Variants in MARCHF1 observed in about 807,000 individuals in gnomAD.
MARCHF1 encodes the protein E3 ubiquitin-protein ligase MARCHF1.
In MARCHF1, 40 loss-of-function variants were observed where a neutral mutation model predicts 54.2. The observed-to-expected ratio is 0.74, with a 90% CI of 0.57 to 0.96. MARCHF1 has a LOEUF of 0.96. Ranked by LOEUF, MARCHF1 falls within the 40% of genes least tolerant of loss-of-function variation. MARCHF1 has a pLI of 0.00. For missense variants in MARCHF1, 586 were observed against 656.5 expected, an observed-to-expected ratio of 0.89 and a Z score of 1.17; for synonymous variants, 236 against 236.3, an observed-to-expected ratio of 1.00 and a Z score of 0.01.
intron 1 of MARCHF1, among the ~76,000 whole-genome samples, chr4:164,215,187 T>C (rs1480794531): frequency 2.0e-5 from 3 of 152,266 alleles, no homozygotes; most frequent in Non-Finnish European, 2.9e-5. Flanking sequence ...GTGCAAGGTT[T>C]TACTGTGTGG....
chr4:164,049,250 G>C (rs1432791880), intron 2 of MARCHF1, among the ~76,000 whole-genome samples: 1 of 152,112 alleles, frequency 6.6e-6, no homozygotes, highest in Non-Finnish European at 1.5e-5. Context: ...AAAACCATCA[G>C]CTTGCAGGAT....
At chr4:164,206,749 T>C (rs566994291) in intron 1 of MARCHF1, among the ~76,000 whole-genome samples, 1 of 152,210 alleles carries the variant, frequency 6.6e-6, no homozygotes, top group South Asian at 2.1e-4. Flanking sequence ...TAACTTTGAA[T>C]TGGGGTCTCA....
chr4:164,340,636 T>C (rs2110841936), intron 1 of MARCHF1, among the ~76,000 whole-genome samples: 1 of 151,702 alleles, frequency 6.6e-6, no homozygotes, highest in Middle Eastern at 3.4e-3. Context: ...TTGGCCAGGC[T>C]GGTCTCAAAC....
At chr4:164,172,764 T>G (rs1485082091) in intron 1 of MARCHF1, among the ~76,000 whole-genome samples, 1 of 151,914 alleles carries the variant, frequency 6.6e-6, no homozygotes, top group East Asian at 1.9e-4. Context: ...AACCAAGAGG[T>G]CAGGAGACCG....
intron 8 of MARCHF1, among the ~76,000 whole-genome samples, chr4:163,570,948 G>T (rs1280549532): frequency 6.6e-6 from 1 of 152,016 alleles, no homozygotes. Context: ...TCTGGTTCCT[G>T]ATATAAAGTA....
chr4:163,829,133 G>A (rs1748943013), intron 4 of MARCHF1: 1 of 152,174 alleles, frequency 6.6e-6, no homozygotes, highest in Non-Finnish European at 1.5e-5. Flanking sequence ...AGGGGAAAGA[G>A]AACTCAAAAA....
intron 1 of MARCHF1, among the ~76,000 whole-genome samples, chr4:164,243,129 G>A (rs1249221428): frequency 1.6e-4 from 20 of 123,690 alleles, no homozygotes; most frequent in Non-Finnish European, 2.6e-4. Flanking sequence ...TACAGAGAAC[G>A]CCACAAAGAT....
chr4:164,261,377 C>A (rs1290558017), intron 1 of MARCHF1, among the ~76,000 whole-genome samples: 2 of 152,116 alleles, frequency 1.3e-5, no homozygotes, highest in Admixed American at 1.3e-4. Flanking sequence ...TGTCAGTTGT[C>A]CAAAATCATA....
chr4:164,229,007 T>C (rs1200482751), intron 1 of MARCHF1, among the ~76,000 whole-genome samples: 1 of 152,200 alleles, frequency 6.6e-6, no homozygotes, highest in Non-Finnish European at 1.5e-5. Flanking sequence ...GGGGCGTCTG[T>C]ATTAGCGAAA....
chr4:164,094,340 C>T (rs908611921), intron 2 of MARCHF1, among the ~76,000 whole-genome samples: 1 of 152,138 alleles, frequency 6.6e-6, no homozygotes, highest in Admixed American at 6.6e-5. Flanking sequence ...TACAGGTCAA[C>T]TAAACTAAGA....
At chr4:163,616,022 A>C (rs372785203) in intron 5 of MARCHF1, among the ~76,000 whole-genome samples, 4 of 152,172 alleles carry the variant, frequency 2.6e-5, no homozygotes, top group African/African-American at 9.6e-5. Context: ...CATATGAAGA[A>C]GAATGAAACT....
intron 1 of MARCHF1, among the ~76,000 whole-genome samples, chr4:164,343,170 T>C (rs1729977602): frequency 1.3e-5 from 2 of 152,190 alleles, no homozygotes; most frequent in Admixed American, 1.3e-4. Context: ...GGTAACTATG[T>C]GCTGTGATGA....
At chr4:164,099,041 A>C (rs1755477028) in intron 2 of MARCHF1, among the ~76,000 whole-genome samples, 1 of 152,164 alleles carries the variant, frequency 6.6e-6, no homozygotes, top group Admixed American at 6.5e-5. Context: ...AAATCATTGA[A>C]CCTCAGTCAA....
chr4:164,338,918 G>T (rs1471963639), intron 1 of MARCHF1, among the ~76,000 whole-genome samples: 2 of 152,024 alleles, frequency 1.3e-5, no homozygotes, highest in Non-Finnish European at 2.9e-5. Context: ...ATTGCAGTGA[G>T]CCAAGATCGC....
intron 2 of MARCHF1, among the ~76,000 whole-genome samples, chr4:164,027,418 T>C (rs1753794756): frequency 8.8e-6 from 1 of 114,126 alleles, no homozygotes; most frequent in East Asian, 2.8e-4. Context: ...TGGATCTATA[T>C]CCACAGTAGA....
chr4:164,117,515 T>C (rs1445939723), intron 1 of MARCHF1, among the ~76,000 whole-genome samples: 1 of 151,926 alleles, frequency 6.6e-6, no homozygotes, highest in African/African-American at 2.4e-5. Context: ...AATAAGAATA[T>C]AAAATACAAC....
intron 1 of MARCHF1, among the ~76,000 whole-genome samples, chr4:164,367,569 A>G (rs1233787463): frequency 1.3e-5 from 2 of 151,324 alleles, no homozygotes; most frequent in Non-Finnish European, 3.0e-5. Flanking sequence ...CCTTTTCTTG[A>G]TTTTTTTTCC....
At chr4:164,294,615 G>T (rs920514569) in intron 1 of MARCHF1, among the ~76,000 whole-genome samples, 4 of 151,972 alleles carry the variant, frequency 2.6e-5, no homozygotes, top group African/African-American at 9.7e-5. Context: ...TGTCAATCAA[G>T]AATATTTTTG....
intron 2 of MARCHF1, among the ~76,000 whole-genome samples, chr4:164,068,527 G>A (rs1249661926): frequency 1.3e-5 from 2 of 152,176 alleles, no homozygotes; most frequent in African/African-American, 4.8e-5. Flanking sequence ...AGCAGTGAGG[G>A]GCTTAGCACC....
Sources: allele counts gnomAD v4.1 joint callset (sites outside exome capture counted in the v4.1 genomes callset), GRCh38; gene constraint gnomAD v4.1.1; transcripts MANE v1.5; gene names NCBI Gene and HGNC (gene_info 2026-07-23, HGNC 2026-07-21).